The following DPYD variants were observed in gnomAD, a reference collection of about 807,000 sequenced individuals.
The protein encoded by DPYD is dihydropyrimidine dehydrogenase, also known as dihydropyrimidine dehydrogenase [NADP(+)].
In DPYD, 109 loss-of-function variants were observed where a neutral mutation model predicts 116.2. The ratio of observed to expected loss-of-function variants is 0.94; its 90% CI spans 0.80 to 1.10. The LOEUF is 1.10. Among genes scored for constraint, DPYD ranks in the 50% least tolerant of loss-of-function variants. DPYD has a pLI of 0.00. For synonymous variants in DPYD, 440 were observed against 432.0 expected (o/e 1.02, Z -0.23); for missense variants, 1,302 against 1,254.5 (o/e 1.04, Z -0.57).
intron 1 of DPYD, among the ~76,000 whole-genome samples, chr1:97,899,604 T>C (rs1673261116): frequency 6.6e-6 from 1 of 151,882 alleles, no homozygotes; most frequent in Non-Finnish European, 1.5e-5. Context: ...ACCTTGAGTG[T>C]ATGCAGAATT....
chr1:97,588,875 TCTTAGCCAAGATGGA>T (rs1442598246), intron 10 of DPYD, among the ~76,000 whole-genome samples: 1 of 152,212 alleles, frequency 6.6e-6, no homozygotes, highest in African/African-American at 2.4e-5. Flanking sequence ...ATTAATGCTT[TCTTAGCCAAGATGGA>T]AAGTACCTCC....
Position 97,920,973 on chromosome 1 carries a change from T to C in DPYD, c.-51A>G. On this transcript the variant is annotated 5_prime_UTR_variant, in exon 1 of 23. Transcript: ENST00000370192. ...CCAGTGACAAACCCTCCTTGCGTCC[T>C]CAAGCTCCAGCCAGAGAGCCAAGTG... is the stretch of plus-strand genomic sequence containing the variant. 6.4e-7 allele frequency: 1 copy of C among 1,556,926 alleles called. No individual in the cohort carries two copies.
At chr1:97,344,444 G>T (rs542641620) in intron 16 of DPYD, among the ~76,000 whole-genome samples, 22 of 151,942 alleles carry the variant, frequency 1.4e-4, no homozygotes, top group African/African-American at 5.3e-4. Flanking sequence ...CCCAGTACCA[G>T]AGGTTCTAAA....
intron 6 of DPYD, among the ~76,000 whole-genome samples, 167 bp from the exon 7 acceptor site, chr1:97,691,965 T>C (rs769663929): frequency 1.1e-4 from 16 of 152,180 alleles, no homozygotes; most frequent in Non-Finnish European, 2.2e-4. Flanking sequence ...TACATTCTTA[T>C]TGATATAAAC....
chr1:97,444,461 C>T (rs1317861069), intron 14 of DPYD, among the ~76,000 whole-genome samples: 1 of 152,066 alleles, frequency 6.6e-6, no homozygotes, highest in African/African-American at 2.4e-5. Flanking sequence ...ATATGAAATG[C>T]TCTTAATAAA....
chr1:97,105,001 A>C (rs1254069930), intron 20 of DPYD, among the ~76,000 whole-genome samples: 2 of 152,104 alleles, frequency 1.3e-5, no homozygotes, highest in Non-Finnish European at 2.9e-5. Context: ...TTCCTTCCAA[A>C]AGCAGTTTAT....
intron 8 of DPYD, among the ~76,000 whole-genome samples, chr1:97,648,132 T>C (rs988820948): frequency 1.3e-5 from 2 of 152,066 alleles, no homozygotes; most frequent in Non-Finnish European, 2.9e-5. Flanking sequence ...TTTGAGTCAA[T>C]TGTCATAGTT....
At chr1:97,593,916 A>G (rs1654703688) in intron 9 of DPYD, among the ~76,000 whole-genome samples, 1 of 152,066 alleles carries the variant, frequency 6.6e-6, no homozygotes, top group Non-Finnish European at 1.5e-5. Context: ...TCTGAGAACT[A>G]TTTTCTTGAA....
chr1:97,101,681 C>G (rs1650700992), intron 20 of DPYD, among the ~76,000 whole-genome samples: 1 of 151,944 alleles, frequency 6.6e-6, no homozygotes, highest in Non-Finnish European at 1.5e-5. Context: ...CTGACAGTGC[C>G]AGCAGCAGGA....
At chr1:97,721,725 G>C (rs1276528301) in intron 4 of DPYD, 54 bp from the exon 5 acceptor site, 5 of 1,513,840 alleles carry the variant, frequency 3.3e-6, no homozygotes, top group Non-Finnish European at 4.5e-6. Context: ...ACTTTAAACA[G>C]CCAAATTACG....
intron 3 of DPYD, among the ~76,000 whole-genome samples, chr1:97,763,133 C>G (rs1419794355): frequency 6.6e-6 from 1 of 152,018 alleles, no homozygotes; most frequent in South Asian, 2.1e-4. Flanking sequence ...CTCCATTGTG[C>G]CTTACTTTTC....
At chr1:97,123,405 C>T (rs971297958) in intron 20 of DPYD, among the ~76,000 whole-genome samples, 10 of 151,914 alleles carry the variant, frequency 6.6e-5, no homozygotes, top group Non-Finnish European at 1.2e-4. Context: ...ATTATGCTAT[C>T]AAATAAATAT....
At chr1:97,089,059 C>A (rs1649718226) in intron 21 of DPYD, among the ~76,000 whole-genome samples, 1 of 152,096 alleles carries the variant, frequency 6.6e-6, no homozygotes, top group South Asian at 2.1e-4. Flanking sequence ...AATAATAAAG[C>A]ACTCGATCAG....
intron 18 of DPYD, among the ~76,000 whole-genome samples, chr1:97,245,442 A>T (rs756234720): frequency 8.5e-5 from 13 of 152,158 alleles, no homozygotes; most frequent in East Asian, 3.8e-4. Flanking sequence ...AGAACTATTT[A>T]AAAAAGACAT....
intron 10 of DPYD, among the ~76,000 whole-genome samples, chr1:97,575,735 G>T (rs1340599222): frequency 6.6e-6 from 1 of 152,124 alleles, no homozygotes; most frequent in Non-Finnish European, 1.5e-5. Flanking sequence ...AATCAAATTT[G>T]AAAACTGCTC....
chr1:97,647,597 A>G (rs1180564197), intron 8 of DPYD, among the ~76,000 whole-genome samples: 1 of 152,030 alleles, frequency 6.6e-6, no homozygotes, highest in Non-Finnish European at 1.5e-5. Context: ...AATATTGAGC[A>G]TAATTTCATT....
chr1:97,164,684 C>T (rs77116530), intron 20 of DPYD, among the ~76,000 whole-genome samples: 1 of 152,034 alleles, frequency 6.6e-6, no homozygotes, highest in Non-Finnish European at 1.5e-5. Flanking sequence ...ACAATTGTCA[C>T]AAAAAGAATA....
chr1:97,217,037 G>A (rs903768865), intron 19 of DPYD, among the ~76,000 whole-genome samples: 10 of 152,048 alleles, frequency 6.6e-5, no homozygotes, highest in East Asian at 1.9e-4. Context: ...GTGAAACTCC[G>A]TCTCTACTAA....
At chr1:97,793,563 G>A (rs1164590115) in intron 3 of DPYD, among the ~76,000 whole-genome samples, 2 of 152,038 alleles carry the variant, frequency 1.3e-5, no homozygotes, top group African/African-American at 4.8e-5. Flanking sequence ...ACTGACAACT[G>A]GTTTTCATAA....
Sources: gnomAD v4.1 joint callset for allele counts (sites outside exome capture counted in the v4.1 genomes callset) on GRCh38, gnomAD v4.1.1 for gene constraint, MANE v1.5 for transcripts, NCBI Gene and HGNC (gene_info 2026-07-23, HGNC 2026-07-21) for gene names.